Variants in PSMB1 observed in about 807,000 individuals in gnomAD.
PSMB1 encodes proteasome subunit beta type-1.
Under a neutral mutation model 25.4 loss-of-function variants are expected in PSMB1, and 7 were observed. That is an observed-to-expected ratio of 0.28 (90% CI 0.16 to 0.52). The LOEUF is 0.52. Among genes scored for constraint, PSMB1 ranks in the 20% least tolerant of loss-of-function variants. The pLI is 0.97. For synonymous variants in PSMB1, 119 were observed against 115.0 expected, an observed-to-expected ratio of 1.03 and a Z score of -0.22; for missense variants, 284 against 302.2, an observed-to-expected ratio of 0.94 and a Z score of 0.45.
At chr6:170,536,601 G>C in intron 5 of PSMB1, 1 of 398,246 alleles carries the variant, frequency 2.5e-6, no homozygotes, top group Non-Finnish European at 5.0e-6. Context: ...AACAAATACA[G>C]TATTGTAAAT....
rs761059170 is a variant in PSMB1, at chr6:170,535,347, A to G, written c.599T>C (p.Met200Thr). 4.9e-5 allele frequency: 79 copies of G among 1,614,070 alleles called. No homozygotes were observed. Among genetic ancestry groups the G allele is most frequent in the Non-Finnish European group, 6.4e-5 (75 of 1,180,038 alleles). ...EHVPLSLDRA[M>T]RLVKDVFISA... Reference sequence around the variant, plus strand: ...AATGAAGACATCTTTCACCAGCCGCATGGCTCTGTCCAAGGACAGCGGAAC... The same window carrying G: ...AATGAAGACATCTTTCACCAGCCGCGTGGCTCTGTCCAAGGACAGCGGAAC... The change falls in exon 6 of 6, where the codon ATG (methionine) becomes ACG (threonine). Residue 200 changes from methionine (M) to threonine (T), a missense_variant. Transcript: ENST00000262193.
intron 4 of PSMB1, among the ~76,000 whole-genome samples, chr6:170,540,248 GT>G (rs1778742652): frequency 6.6e-6 from 1 of 152,172 alleles, no homozygotes; most frequent in Non-Finnish European, 1.5e-5. Context: ...ACAGAAGACA[GT>G]AAAGGAAGTC....
chr6:170,546,128 G>T lies in PSMB1; in HGVS notation c.278C>A (p.Thr93Lys), dbSNP rs1330517019. 6 of 1,613,626 alleles carry T rather than the reference G, an allele frequency of 3.7e-6. No homozygotes were observed. The highest frequency in any genetic ancestry group is 5.1e-6 in the Non-Finnish European group (6 of 1,179,778). The change falls in exon 3 of 6, where the codon ACA (threonine) becomes AAA (lysine). Residue 93 changes from threonine (T) to lysine (K), a missense_variant. Physicochemically the swap from Thr to Lys is moderately conservative, Grantham distance 78. Coordinates refer to ENST00000262193, the MANE Select transcript of PSMB1 (RefSeq NM_002793.4). ...SGFHGDCLTL[T>K]KIIEARLKMY... Reference sequence around the variant, plus strand: ...CTTTAGTCTTGCTTCAATAATCTTTGTCAGCGTAAGACAGTCTCCATGAAA... The same window carrying T: ...CTTTAGTCTTGCTTCAATAATCTTTTTCAGCGTAAGACAGTCTCCATGAAA...
chr6:170,550,826 CATAATT>C lies in PSMB1; in HGVS notation c.114-1719_114-1714del, dbSNP rs575138336. Among the ~76,000 whole-genome samples, 249 of 142,340 alleles carry C rather than the reference CATAATT, an allele frequency of 1.7e-3. 1 individual carries two copies. The highest frequency in any genetic ancestry group is 7.6e-3 in the Middle Eastern group (2 of 264). The allele number at this position is 142,340 out of a possible 152,430, so 93.4% of individuals were successfully genotyped here. A position where few individuals can be genotyped will look rare whatever the true frequency, so the allele number is the denominator to read the frequency against. ...AGAACTTAGATGAACAGAATGATGG[CATAATT>C]ATAAGTATTTTAAAGGAGAGGAGGC... On this transcript the variant is annotated intron_variant, in intron 1 of 5. Coordinates refer to ENST00000262193, the MANE Select transcript of PSMB1 (RefSeq NM_002793.4).
chr6:170,546,777 A>C (rs1688814390), intron 2 of PSMB1, among the ~76,000 whole-genome samples: 1 of 152,148 alleles, frequency 6.6e-6, no homozygotes, highest in Admixed American at 6.5e-5. Context: ...GTGAAGGTAG[A>C]TTTAAACAAC....
chr6:170,545,620 T>C lies in PSMB1; in HGVS notation c.303+483A>G, dbSNP rs147387672. 2.4e-3 allele frequency among the ~76,000 whole-genome samples: 361 copies of C among 152,326 alleles called. 2 individuals are homozygous for C. Among genetic ancestry groups the C allele is most frequent in the African/African-American group, 8.3e-3 (345 of 41,580 alleles). ...CTGGTCAGGTGACAGACGTTAATGGTGCATGTTGTGCCTCCCATCCAAGCT... is the reference window on the plus strand; with the variant it reads ...CTGGTCAGGTGACAGACGTTAATGGCGCATGTTGTGCCTCCCATCCAAGCT... On this transcript the variant is annotated intron_variant, in intron 3 of 5. Transcript: ENST00000262193.
Position 170,546,090 on chromosome 6 carries a change from C to CA in PSMB1, c.303+12dup. 1.2e-6 allele frequency: 2 copies of CA among 1,604,658 alleles called. No individual in the cohort carries two copies. The highest frequency in any genetic ancestry group is 3.3e-5 in the Admixed American group (2 of 59,820). On this transcript the variant is annotated intron_variant, in intron 3 of 5. Coordinates refer to ENST00000262193, the MANE Select transcript of PSMB1 (RefSeq NM_002793.4). ...TAATTTAAAATAGTGTAGAAATGTACAAAAGCATCTACCTTTAGTCTTGCT... is the reference window on the plus strand; with the variant it reads ...TAATTTAAAATAGTGTAGAAATGTACAAAAAGCATCTACCTTTAGTCTTGCT...
At chr6:170,540,162 G>A (rs1778740788) in intron 4 of PSMB1, among the ~76,000 whole-genome samples, 1 of 152,148 alleles carries the variant, frequency 6.6e-6, no homozygotes, top group South Asian at 2.1e-4. Context: ...TGACACCAAG[G>A]GAAAGAGCTG....
chr6:170,547,881 CA>C (rs5881874), intron 2 of PSMB1, among the ~76,000 whole-genome samples: 5,713 of 112,894 alleles, frequency 0.051, 208 homozygotes, highest in African/African-American at 0.12. Context: ...ACGTGTTTCA[CA>C]AAAAAAAAAA....
At chr6:170,548,933 T>C in intron 2 of PSMB1, 73 bp downstream of exon 2, 1 of 1,128,480 alleles carries the variant, frequency 8.9e-7, no homozygotes, top group South Asian at 1.3e-5. Flanking sequence ...ACAAATCATT[T>C]AGAAGTAGAA....
At chr6:170,544,061 T>A (rs769335425) in intron 3 of PSMB1, among the ~76,000 whole-genome samples, 67 of 152,260 alleles carry the variant, frequency 4.4e-4, no homozygotes, top group Non-Finnish European at 8.7e-4. Context: ...TCACTCTGCA[T>A]ATAGACCAGG....
In PSMB1 at chr6:170,553,259, C is replaced by T. The variant is rs917640408; in HGVS notation, c.-17G>A. ...GGACAACATCGCACGGCTGCGCCTG[C>T]GGATCCGACACTTGCTGTCTCACGG... On this transcript the variant is annotated 5_prime_UTR_variant, in exon 1 of 6. Coordinates refer to ENST00000262193, the MANE Select transcript of PSMB1 (RefSeq NM_002793.4). 2 of 1,576,326 alleles carry T rather than the reference C, an allele frequency of 1.3e-6. No homozygotes were observed. The highest frequency in any genetic ancestry group is 1.7e-6 in the Non-Finnish European group (2 of 1,151,608).
chr6:170,548,791 A>G (rs2114980982), intron 2 of PSMB1, among the ~76,000 whole-genome samples: 1 of 152,338 alleles, frequency 6.6e-6, no homozygotes, highest in East Asian at 1.9e-4. Flanking sequence ...CATTTAGGTT[A>G]CCGAAAGCAC....
chr6:170,549,060 C>T lies in PSMB1; in HGVS notation c.167G>A (p.Arg56Gln). ...ATGAATTGAAAACCCTTCACTCAATCGAGTATCAGAAGCAACAATTGCAAA... is the reference window on the plus strand; with the variant it reads ...ATGAATTGAAAACCCTTCACTCAATTGAGTATCAGAAGCAACAATTGCAAA... ...EDFAIVASDT[R>Q]LSEGFSIHTR... is the part of the protein sequence containing the mutation. Residue 56 changes from arginine to glutamine, a missense_variant, in exon 2 of 6, where the codon CGA becomes CAA. Arg to Gln is a conservative substitution (Grantham distance 43). Coordinates refer to ENST00000262193, the MANE Select transcript of PSMB1 (RefSeq NM_002793.4). 5 of 1,613,896 alleles carry T rather than the reference C, an allele frequency of 3.1e-6. No homozygotes were observed. The highest frequency in any genetic ancestry group is 4.2e-6 in the Non-Finnish European group (5 of 1,179,890).
chr6:170,545,907 G>A (rs1048875046), intron 3 of PSMB1, among the ~76,000 whole-genome samples, 196 bp downstream of exon 3: 1 of 152,188 alleles, frequency 6.6e-6, no homozygotes, highest in Non-Finnish European at 1.5e-5. Flanking sequence ...CAAATGGAAT[G>A]TGCTGCTGTT....
chr6:170,535,483 C>A (rs1778679252), intron 5 of PSMB1, 78 bp from the exon 6 acceptor site: 5 of 1,214,586 alleles, frequency 4.1e-6, no homozygotes, highest in South Asian at 1.4e-5. Flanking sequence ...TTCCAATACC[C>A]TCATGTGTAC....
chr6:170,539,810 T>C (rs1482290600), intron 4 of PSMB1, among the ~76,000 whole-genome samples: 1 of 152,150 alleles, frequency 6.6e-6, no homozygotes, highest in African/African-American at 2.4e-5. Context: ...GTGTTTATAT[T>C]AAGAAAACAG....
intron 1 of PSMB1, 42 bp downstream of exon 1, chr6:170,553,088 G>C: frequency 1.3e-6 from 2 of 1,518,538 alleles, no homozygotes; most frequent in South Asian, 1.2e-5. Context: ...AGCAGATGGG[G>C]GAAGGGCGAA....
At chr6:170,544,839 CT>C (rs1778798139) in intron 3 of PSMB1, among the ~76,000 whole-genome samples, 2 of 152,046 alleles carry the variant, frequency 1.3e-5, no homozygotes, top group African/African-American at 4.8e-5. Flanking sequence ...AAGATAAAAA[CT>C]ATAAAAAATT....
Sources: gnomAD v4.1 joint callset for allele counts (sites outside exome capture counted in the v4.1 genomes callset) on GRCh38, gnomAD v4.1.1 for gene constraint, MANE v1.5 for transcripts, NCBI Gene and HGNC (gene_info 2026-07-23, HGNC 2026-07-21) for gene names.